Variants in CNTNAP2 observed in about 807,000 individuals in gnomAD.
CNTNAP2 encodes contactin associated protein 2, also known as contactin-associated protein-like 2.
In CNTNAP2, 98 loss-of-function variants were observed where a neutral mutation model predicts 155.2. The observed-to-expected ratio is 0.63, with a 90% CI of 0.54 to 0.75. The LOEUF is 0.75. Among genes scored for constraint, CNTNAP2 ranks in the 30% least tolerant of loss-of-function variants. The probability of loss-of-function intolerance (pLI) is 0.00; values close to 1 mark genes in which losing one functional copy is unlikely to be tolerated. For missense variants in CNTNAP2, 1,727 were observed against 1,688.1 expected (o/e 1.02, Z -0.40); for synonymous variants, 651 against 631.2 (o/e 1.03, Z -0.47).
intron 1 of CNTNAP2, among the ~76,000 whole-genome samples, chr7:146,482,068 A>G (rs112963538): frequency 2.6e-5 from 4 of 152,112 alleles, no homozygotes; most frequent in Non-Finnish European, 5.9e-5. Flanking sequence ...GATAACTTAA[A>G]AACATAAAGA....
At chr7:148,379,828 G>A (rs1021880773) in intron 21 of CNTNAP2, among the ~76,000 whole-genome samples, 1 of 152,184 alleles carries the variant, frequency 6.6e-6, no homozygotes, top group African/African-American at 2.4e-5. Context: ...CGTGGAGCTG[G>A]CTTTATTCTC....
At chr7:146,297,216 T>A (rs1324933528) in intron 1 of CNTNAP2, among the ~76,000 whole-genome samples, 1 of 152,140 alleles carries the variant, frequency 6.6e-6, no homozygotes, top group Non-Finnish European at 1.5e-5. Context: ...TGAAAATCAT[T>A]AATTTCCCAG....
At chr7:147,892,508 G>A (rs771035379) in intron 13 of CNTNAP2, among the ~76,000 whole-genome samples, 5 of 152,146 alleles carry the variant, frequency 3.3e-5, no homozygotes, top group Non-Finnish European at 7.4e-5. Context: ...CACAAGACAA[G>A]CCAGAACCAA....
At chr7:146,971,166 C>G (rs1797788496) in intron 3 of CNTNAP2, among the ~76,000 whole-genome samples, 1 of 151,646 alleles carries the variant, frequency 6.6e-6, no homozygotes, top group Non-Finnish European at 1.5e-5. Flanking sequence ...ATGTAACTAA[C>G]CTGCACATTG....
chr7:146,385,506 T>C (rs529981107), intron 1 of CNTNAP2, among the ~76,000 whole-genome samples: 2 of 152,352 alleles, frequency 1.3e-5, no homozygotes, highest in Admixed American at 6.5e-5. Context: ...TGCCTCATGA[T>C]TAAGTGCAAA....
intron 1 of CNTNAP2, among the ~76,000 whole-genome samples, chr7:146,149,879 G>GAAAAAA (rs377385260): frequency 2.2e-4 from 13 of 59,402 alleles, no homozygotes; most frequent in South Asian, 5.4e-4. Flanking sequence ...TAGCCACAAA[G>GAAAAAA]AAAAAAAAAA....
chr7:146,928,725 T>G (rs183568704), intron 3 of CNTNAP2, among the ~76,000 whole-genome samples: 1 of 152,284 alleles, frequency 6.6e-6, no homozygotes, highest in African/African-American at 2.4e-5. Context: ...ATCGGGTCAC[T>G]CCCACCCTAA....
intron 1 of CNTNAP2, among the ~76,000 whole-genome samples, chr7:146,539,781 T>TTC: frequency 6.6e-6 from 1 of 152,138 alleles, no homozygotes; most frequent in East Asian, 1.9e-4. Flanking sequence ...TATAGACGTG[T>TTC]TCTCTTTTTC....
At chr7:147,599,643 C>T (rs1295265623) in intron 12 of CNTNAP2, among the ~76,000 whole-genome samples, 1 of 152,044 alleles carries the variant, frequency 6.6e-6, no homozygotes, top group Non-Finnish European at 1.5e-5. Context: ...TTGCCTCTTC[C>T]AGCTTCTGGT....
chr7:148,311,276 G>A (rs1471584482), intron 21 of CNTNAP2, among the ~76,000 whole-genome samples: 1 of 152,118 alleles, frequency 6.6e-6, no homozygotes, highest in Non-Finnish European at 1.5e-5. Flanking sequence ...GAGACAGGAG[G>A]TGTTGCCTAG....
At chr7:148,410,215 G>A (rs1364114159) in intron 23 of CNTNAP2, among the ~76,000 whole-genome samples, 6 of 151,660 alleles carry the variant, frequency 4.0e-5, no homozygotes, top group Non-Finnish European at 8.8e-5. Flanking sequence ...TATCCCCCTC[G>A]GATATTTTTC....
chr7:146,931,142 A>G (rs1796747609), intron 3 of CNTNAP2, among the ~76,000 whole-genome samples: 1 of 151,344 alleles, frequency 6.6e-6, no homozygotes, highest in African/African-American at 2.4e-5. Context: ...CATTCTTTTC[A>G]GCACCACACC....
At chr7:147,864,487 G>C (rs200920155) in intron 13 of CNTNAP2, among the ~76,000 whole-genome samples, 87,903 of 149,050 alleles carry the variant, frequency 0.59, 26,177 homozygotes, top group Middle Eastern at 0.7. Flanking sequence ...AGCTTGATGG[G>C]GATGGCATTG....
At chr7:147,948,555 C>CAT (rs1319340028) in intron 14 of CNTNAP2, among the ~76,000 whole-genome samples, 3 of 148,938 alleles carry the variant, frequency 2.0e-5, no homozygotes, top group Non-Finnish European at 4.4e-5. Context: ...TGATTATAAC[C>CAT]ATATATATCA....
At chr7:147,184,989 T>C (rs115928261) in intron 8 of CNTNAP2, among the ~76,000 whole-genome samples, 2,660 of 152,142 alleles carry the variant, frequency 0.017, 62 homozygotes, top group African/African-American at 0.06. Context: ...AAAATAACAA[T>C]AATATCTAAC....
intron 1 of CNTNAP2, among the ~76,000 whole-genome samples, chr7:146,685,727 G>GAA (rs11384116): frequency 1.1e-4 from 16 of 149,210 alleles, no homozygotes; most frequent in South Asian, 8.5e-4. Context: ...AGGTGAATTA[G>GAA]AAAAAAAAAA....
rs112771074 is a variant in CNTNAP2 at position 147,365,128 on chromosome 7, G to A, written c.1499-30481G>A. On this transcript the variant is annotated intron_variant, in intron 9 of 23. Transcript: ENST00000361727. ...TTTAAAACTTATATGAATAGGCCGA[G>A]TGCAGTGGCTCATGCCTGTAATCCC... Among the ~76,000 whole-genome samples, 1,223 of 151,996 alleles carry A rather than the reference G, an allele frequency of 8.0e-3. 12 individuals carry two copies. Among genetic ancestry groups the A allele is most frequent in the African/African-American group, 0.028 (1,158 of 41,464 alleles).
At chr7:146,914,829 GT>G (rs1160478226) in intron 3 of CNTNAP2, among the ~76,000 whole-genome samples, 4 of 151,348 alleles carry the variant, frequency 2.6e-5, no homozygotes, top group South Asian at 4.2e-4. Context: ...ATTTATCTTT[GT>G]TTTTTTGTTT....
chr7:146,194,042 T>C (rs1371957457), intron 1 of CNTNAP2, among the ~76,000 whole-genome samples: 2 of 152,200 alleles, frequency 1.3e-5, no homozygotes, highest in Non-Finnish European at 2.9e-5. Flanking sequence ...CTGGACTTCA[T>C]TGTCCATATC....
Sources: gnomAD v4.1 joint callset for allele counts (sites outside exome capture counted in the v4.1 genomes callset) on GRCh38, gnomAD v4.1.1 for gene constraint, MANE v1.5 for transcripts, NCBI Gene and HGNC (gene_info 2026-07-23, HGNC 2026-07-21) for gene names.